The following UNC13C variants were observed in gnomAD, a reference collection of about 807,000 sequenced individuals.
UNC13C encodes the protein unc-13 homolog C.
UNC13C carries 174 observed loss-of-function variants against 245.4 expected under a neutral mutation model. The ratio of observed to expected loss-of-function variants is 0.71; its 90% CI spans 0.63 to 0.80. The LOEUF is 0.80. Ranked by LOEUF, UNC13C falls within the 30% of genes least tolerant of loss-of-function variation. The probability of loss-of-function intolerance (pLI) is 0.00; values close to 1 mark genes in which losing one functional copy is unlikely to be tolerated. For missense variants in UNC13C, 2,829 were observed against 2,602.9 expected, an observed-to-expected ratio of 1.09 and a Z score of -1.89; for synonymous variants, 992 against 895.1, an observed-to-expected ratio of 1.11 and a Z score of -1.93.
chr15:54,445,621 C>G (rs1330577130), intron 19 of UNC13C, among the ~76,000 whole-genome samples: 1 of 152,190 alleles, frequency 6.6e-6, no homozygotes, highest in African/African-American at 2.4e-5. Flanking sequence ...TTCATATCCT[C>G]TGCCCAGTTG....
chr15:54,297,766 A>G (rs1415663913), intron 11 of UNC13C, 45 bp from the exon 12 acceptor site: 9 of 1,394,032 alleles, frequency 6.5e-6, no homozygotes, highest in East Asian at 2.4e-5. Context: ...TGAGAAAAAC[A>G]TTATTGTCAG....
intron 1 of UNC13C, among the ~76,000 whole-genome samples, chr15:53,982,331 G>A (rs542124305): frequency 3.9e-5 from 6 of 152,078 alleles, no homozygotes; most frequent in Non-Finnish European, 5.9e-5. Flanking sequence ...TGCTTCATGT[G>A]TTTTATAAGT....
chr15:54,491,936 A>G (rs1165031305), intron 19 of UNC13C, among the ~76,000 whole-genome samples: 2 of 149,988 alleles, frequency 1.3e-5, no homozygotes, highest in East Asian at 2.0e-4. Flanking sequence ...AGCTTGTAGT[A>G]AGCCGAGATC....
intron 10 of UNC13C, among the ~76,000 whole-genome samples, chr15:54,293,174 T>C (rs1321914241): frequency 6.6e-6 from 1 of 151,876 alleles, no homozygotes; most frequent in Non-Finnish European, 1.5e-5. Flanking sequence ...GGAAAAGTGA[T>C]ATACATCAGT....
At chr15:54,302,857 A>G (rs1175871059) in intron 13 of UNC13C, among the ~76,000 whole-genome samples, 1 of 152,110 alleles carries the variant, frequency 6.6e-6, no homozygotes, top group Non-Finnish European at 1.5e-5. Flanking sequence ...TAATTGATAG[A>G]TTCAATGCTA....
intron 1 of UNC13C, among the ~76,000 whole-genome samples, chr15:53,995,877 C>T (rs1014134291): frequency 1.3e-5 from 2 of 152,042 alleles, no homozygotes; most frequent in South Asian, 2.1e-4. Context: ...TGAAAGGACT[C>T]GTGGAGAAGT....
chr15:54,205,540 T>C (rs558484324), intron 4 of UNC13C, among the ~76,000 whole-genome samples: 3 of 152,152 alleles, frequency 2.0e-5, no homozygotes, highest in South Asian at 4.1e-4. Flanking sequence ...TCTATAAATA[T>C]TGGCTATTTT....
At chr15:54,394,412 C>G (rs2040028327) in intron 18 of UNC13C, among the ~76,000 whole-genome samples, 1 of 151,790 alleles carries the variant, frequency 6.6e-6, no homozygotes, top group Non-Finnish European at 1.5e-5. Context: ...CTTTGCTCTT[C>G]TATTCTCTTC....
chr15:54,179,235 A>G (rs1012698845), intron 4 of UNC13C, among the ~76,000 whole-genome samples: 4 of 152,154 alleles, frequency 2.6e-5, no homozygotes, highest in African/African-American at 9.7e-5. Flanking sequence ...TGATATGCAC[A>G]TACAATAAAA....
In UNC13C at chr15:54,389,726, A is replaced by G. The variant is rs77593114; in HGVS notation, c.4714-3322A>G. On this transcript the variant is annotated intron_variant, in intron 17 of 32. Transcript: ENST00000260323. ...TTGTGTGTACACAGCCTGTCTTTGC[A>G]TTTTTCTTTTTTTTTTTTCTGTGAT... Among the ~76,000 whole-genome samples the G allele has an allele frequency of 8.7e-5, 13 of 148,972 alleles. 4 individuals carry two copies. The highest frequency in any genetic ancestry group is 3.2e-4 in the African/African-American group (13 of 40,690).
chr15:53,938,671 C>T, the UNC13C span, among the ~76,000 whole-genome samples: 1 of 152,178 alleles, frequency 6.6e-6, no homozygotes, highest in African/African-American at 2.4e-5. Context: ...GACCACAGCA[C>T]AATCAAAATA....
rs143435993 is a variant in UNC13C, at chr15:54,474,575, G to C, written c.4934-20033G>C. On this transcript the variant is annotated intron_variant, in intron 19 of 32. Coordinates refer to ENST00000260323, the MANE Select transcript of UNC13C (RefSeq NM_001080534.3). Reference sequence around the variant, plus strand: ...TGTTTACTTGTTTGAGTTCTTGTATGTTCTGGATATTATTTTTGTCAGATG... The same window carrying C: ...TGTTTACTTGTTTGAGTTCTTGTATCTTCTGGATATTATTTTTGTCAGATG... Among the ~76,000 whole-genome samples, 7 of 151,972 alleles carry C rather than the reference G, an allele frequency of 4.6e-5. No homozygotes were observed. In the East Asian group the frequency reaches 1.4e-3, roughly 29 times the overall value.
At chr15:54,403,860 G>C (rs1339020723) in intron 18 of UNC13C, among the ~76,000 whole-genome samples, 5 of 151,932 alleles carry the variant, frequency 3.3e-5, no homozygotes, top group Non-Finnish European at 1.5e-5. Context: ...AAGGGTGATT[G>C]GCTTCAAATG....
intron 4 of UNC13C, among the ~76,000 whole-genome samples, chr15:54,146,865 G>A (rs1032769262): frequency 6.6e-6 from 1 of 152,110 alleles, no homozygotes; most frequent in African/African-American, 2.4e-5. Flanking sequence ...CAGTTCTTAG[G>A]TTTGCAAAAG....
At chr15:54,226,406 A>G (rs1018309849) in intron 4 of UNC13C, among the ~76,000 whole-genome samples, 1 of 152,200 alleles carries the variant, frequency 6.6e-6, no homozygotes, top group African/African-American at 2.4e-5. Context: ...CCTCTGGTAG[A>G]ATTCAGCTGT....
At chr15:54,370,052 A>C (rs1303534193) in intron 17 of UNC13C, among the ~76,000 whole-genome samples, 1 of 152,084 alleles carries the variant, frequency 6.6e-6, no homozygotes, top group Non-Finnish European at 1.5e-5. Context: ...TTTCTGTGCT[A>C]TAACTCACTT....
the UNC13C span, among the ~76,000 whole-genome samples, chr15:53,942,032 G>A: frequency 6.6e-6 from 1 of 152,086 alleles, no homozygotes. Context: ...AATGCTGCTT[G>A]ACCCAGCAAT....
intron 10 of UNC13C, among the ~76,000 whole-genome samples, chr15:54,289,137 T>C (rs910406655): frequency 1.5e-4 from 23 of 152,042 alleles, no homozygotes; most frequent in Non-Finnish European, 2.1e-4. Flanking sequence ...CAAATTATGA[T>C]ATTCTCAGTC....
intron 24 of UNC13C, 89 bp from the exon 25 acceptor site, chr15:54,525,460 T>TA (rs1895409515): frequency 2.5e-6 from 2 of 804,702 alleles, no homozygotes; most frequent in Non-Finnish European, 3.7e-6. Flanking sequence ...TGTTTGAAGT[T>TA]ACCATATAAT....
Sources: allele counts gnomAD v4.1 joint callset (sites outside exome capture counted in the v4.1 genomes callset), GRCh38; gene constraint gnomAD v4.1.1; transcripts MANE v1.5; gene names NCBI Gene and HGNC (gene_info 2026-07-23, HGNC 2026-07-21).